The following TNS1 variants were observed in gnomAD, a reference collection of about 807,000 sequenced individuals.
TNS1 encodes tensin-1.
TNS1 carries 62 observed loss-of-function variants against 168.6 expected under a neutral mutation model. The ratio of observed to expected loss-of-function variants is 0.37; its 90% CI spans 0.30 to 0.45. The LOEUF (loss-of-function observed/expected upper bound fraction) is 0.45, where lower values mean the gene tolerates loss of function less well. Ranked by LOEUF, TNS1 falls within the 20% of genes least tolerant of loss-of-function variation. TNS1 has a pLI of 1.00. For synonymous variants in TNS1, 934 were observed against 933.2 expected (o/e 1.00, Z -0.02); for missense variants, 2,240 against 2,339.4 (o/e 0.96, Z 0.88).
intron 16 of TNS1, among the ~76,000 whole-genome samples, chr2:217,882,891 G>A (rs1226229698): frequency 2.0e-5 from 3 of 152,112 alleles, no homozygotes; most frequent in Non-Finnish European, 4.4e-5. Context: ...AATCTCCCAA[G>A]CCAAAGTGGT....
In TNS1 at chr2:217,978,765, C is replaced by A; in HGVS notation, c.186G>T (p.Lys62Asn). 1.4e-6 allele frequency: 1 copy of A among 702,218 alleles called. No homozygotes were observed. Among genetic ancestry groups the A allele is most frequent in the South Asian group, 1.5e-5 (1 of 67,568 alleles). The allele number at this position is 702,218 out of a possible 1,614,324, so 43.5% of individuals were successfully genotyped here. Residue 62 changes from lysine (K) to asparagine (N), a missense_variant and splice_region_variant, in exon 3 of 33, where the codon AAG becomes AAT. Transcript: ENST00000682258. ...GGCCCGCCAGCCCGCGGCCCCTTAC[C>A]TTGGCCTGGCATTTCCGATGACAGG... ...SFSCHRKCQA[K>N]VAAPCVPPSN...
chr2:217,912,461 G>C (rs1954536044), intron 4 of TNS1, among the ~76,000 whole-genome samples: 1 of 152,052 alleles, frequency 6.6e-6, no homozygotes, highest in African/African-American at 2.4e-5. Flanking sequence ...GGGCCAAAAA[G>C]ACCACCCCAT....
At chr2:217,884,147 G>GTGGA (rs562041033) in intron 16 of TNS1, among the ~76,000 whole-genome samples, 14,605 of 119,414 alleles carry the variant, frequency 0.12, 1,040 homozygotes, top group East Asian at 0.28. Flanking sequence ...GGGTGGGTGG[G>GTGGA]TGGATGGATG....
At chr2:217,962,678 T>C (rs535044589) in intron 3 of TNS1, among the ~76,000 whole-genome samples, 8 of 152,102 alleles carry the variant, frequency 5.3e-5, no homozygotes, top group Non-Finnish European at 1.2e-4. Flanking sequence ...GAAAGAATGA[T>C]GGAAAGAGAA....
chr2:217,912,326 C>T (rs1386440792), intron 4 of TNS1, among the ~76,000 whole-genome samples: 1 of 152,330 alleles, frequency 6.6e-6, no homozygotes, highest in Non-Finnish European at 1.5e-5. Context: ...GAGGAGGGTG[C>T]GCAGAATGCG....
chr2:217,999,474 G>A (rs771751203), intron 1 of TNS1, among the ~76,000 whole-genome samples: 12 of 152,156 alleles, frequency 7.9e-5, no homozygotes, highest in East Asian at 1.9e-4. Context: ...TTGCACTCTC[G>A]GCCAGCATGC....
chr2:217,865,630 A>G (rs1009985307), intron 18 of TNS1, among the ~76,000 whole-genome samples: 1 of 152,162 alleles, frequency 6.6e-6, no homozygotes, highest in Non-Finnish European at 1.5e-5. Flanking sequence ...GGCTGTAAAG[A>G]TGTAAAGATT....
At chr2:218,011,161 TA>T (rs1407650991), upstream of TNS1, among the ~76,000 whole-genome samples, 1 of 152,174 alleles carries the variant, frequency 6.6e-6, no homozygotes, top group Non-Finnish European at 1.5e-5. Context: ...TGCCCTTGCC[TA>T]CCTCTGCTGT....
chr2:217,843,746 T>C (rs775844147), intron 19 of TNS1, among the ~76,000 whole-genome samples: 2 of 152,164 alleles, frequency 1.3e-5, no homozygotes, highest in Non-Finnish European at 2.9e-5. Flanking sequence ...CCTGGTCTCC[T>C]GCCACCACCC....
intron 2 of TNS1, among the ~76,000 whole-genome samples, chr2:217,985,773 A>C (rs1958179994): frequency 6.6e-6 from 1 of 152,142 alleles, no homozygotes; most frequent in Non-Finnish European, 1.5e-5. Flanking sequence ...GGAAGCAATC[A>C]GCCCAAGTTC....
At chr2:218,001,900 C>T (rs922371621) in intron 1 of TNS1, among the ~76,000 whole-genome samples, 1 of 152,146 alleles carries the variant, frequency 6.6e-6, no homozygotes, top group Non-Finnish European at 1.5e-5. Flanking sequence ...CCTGAAGCCC[C>T]CTCCCCCAAA....
Position 217,848,804 on chromosome 2 carries a change from G to T in TNS1, c.1713C>A (p.Gly571=). 1 of 1,614,120 alleles carries T rather than the reference G, an allele frequency of 6.2e-7. No homozygotes were observed. Among genetic ancestry groups the T allele is most frequent in the Non-Finnish European group, 8.5e-7 (1 of 1,180,026 alleles). The change falls in exon 19 of 33, where the codon GGC becomes GGA. Residue 571 remains glycine, a synonymous_variant. Coordinates refer to ENST00000682258, the MANE Select transcript of TNS1 (RefSeq NM_001387777.1). ...EKRELDRLLS[G]FGLEREKQGA... ...CTTGCTTCTCTCGCTCTAAGCCAAA[G>T]CCACTCAGCAGGCGGTCCAGCTCCC...
chr2:217,830,318 C>A, intron 22 of TNS1: 2 of 1,612,768 alleles, frequency 1.2e-6, no homozygotes, highest in Non-Finnish European at 1.7e-6. Context: ...GAGGCTATGC[C>A]CAGCTGCGTG....
chr2:217,858,840 T>A (rs1183430165), intron 18 of TNS1, among the ~76,000 whole-genome samples: 1 of 152,100 alleles, frequency 6.6e-6, no homozygotes, highest in Non-Finnish European at 1.5e-5. Context: ...GCTTCACTTA[T>A]CATCCTGCAG....
chr2:217,964,709 C>G (rs1957580443), intron 3 of TNS1, among the ~76,000 whole-genome samples: 2 of 152,170 alleles, frequency 1.3e-5, no homozygotes, highest in Admixed American at 1.3e-4. Context: ...ACATGTGACC[C>G]ACGAGTGACC....
At chr2:217,844,962 G>T (rs1946449528) in intron 19 of TNS1, among the ~76,000 whole-genome samples, 1 of 152,204 alleles carries the variant, frequency 6.6e-6, no homozygotes, top group Non-Finnish European at 1.5e-5. Context: ...GGTGATAACA[G>T]ACATCCTTAT....
intron 3 of TNS1, among the ~76,000 whole-genome samples, chr2:217,969,516 A>C (rs1226503827): frequency 6.6e-6 from 1 of 152,072 alleles, no homozygotes; most frequent in Non-Finnish European, 1.5e-5. Flanking sequence ...GAATAGAAAA[A>C]AAAAATTCAG....
At chr2:217,925,714 C>T (rs1313875663) in intron 3 of TNS1, among the ~76,000 whole-genome samples, 2 of 152,172 alleles carry the variant, frequency 1.3e-5, no homozygotes, top group Non-Finnish European at 2.9e-5. Flanking sequence ...AGTACATTCA[C>T]GGTAATGTAC....
At chr2:217,881,511 C>A (rs1280405101) in intron 17 of TNS1, 3 of 155,042 alleles carry the variant, frequency 1.9e-5, no homozygotes, top group Non-Finnish European at 2.9e-5. Flanking sequence ...GGCCCTGCCC[C>A]CTCTTAAAAC....
Sources: allele counts gnomAD v4.1 joint callset (sites outside exome capture counted in the v4.1 genomes callset), GRCh38; gene constraint gnomAD v4.1.1; transcripts MANE v1.5; gene names NCBI Gene and HGNC (gene_info 2026-07-23, HGNC 2026-07-21).